DTX1: variants seen among roughly 807,000 people sequenced by gnomAD.
The protein encoded by DTX1 is E3 ubiquitin-protein ligase DTX1.
A neutral mutation model predicts 57.8 loss-of-function variants in DTX1; 26 were observed. The observed-to-expected ratio is 0.45, with a 90% confidence interval of 0.33 to 0.62. The LOEUF (loss-of-function observed/expected upper bound fraction) is 0.62. DTX1 is among the 20% of genes least tolerant of loss of function. The probability of loss-of-function intolerance (pLI) is 0.02; values close to 1 mark genes in which losing one functional copy is unlikely to be tolerated. For synonymous variants in DTX1, 398 were observed against 394.1 expected (o/e 1.01, Z -0.12); for missense variants, 704 against 895.3 (o/e 0.79, Z 2.73).
Position 113,057,954 on chromosome 12 carries a change from C to T in DTX1, c.-239C>T, listed in dbSNP as rs570119134. The T allele has an allele frequency of 1.6e-6, 1 of 617,096 alleles. No individual in the cohort carries two copies. The allele number at this position is 617,096 out of a possible 1,614,324, so 38.2% of individuals were successfully genotyped here. On this transcript the variant is annotated 5_prime_UTR_variant, in exon 2 of 10. Coordinates refer to ENST00000548759, the MANE Select transcript of DTX1 (RefSeq NM_004416.3). ...CGGCATAAGAGAGACACTTGCTTTC[C>T]AGGGCAGCACCCTTTATCGGAGAAG... is the stretch of plus-strand genomic sequence containing the variant.
intron 3 of DTX1, among the ~76,000 whole-genome samples, chr12:113,084,188 G>A (rs1301211012): frequency 6.6e-6 from 1 of 152,196 alleles, no homozygotes; most frequent in African/African-American, 2.4e-5. Flanking sequence ...TGGCAGCCTG[G>A]GCCTGGGGGA....
chr12:113,089,153 G>A (rs1262911579), intron 3 of DTX1, among the ~76,000 whole-genome samples: 1 of 152,200 alleles, frequency 6.6e-6, no homozygotes, highest in African/African-American at 2.4e-5. Flanking sequence ...CAAGTGCAAA[G>A]GCCCTGGGGT....
At chr12:113,085,771 AACAG>A (rs1475005688) in intron 3 of DTX1, among the ~76,000 whole-genome samples, 1 of 152,236 alleles carries the variant, frequency 6.6e-6, no homozygotes. Flanking sequence ...CAGTGAACTA[AACAG>A]ACAGTCCTTG....
chr12:113,094,260 A>C (rs1032218190), intron 6 of DTX1, among the ~76,000 whole-genome samples, 161 bp downstream of exon 6: 1 of 151,920 alleles, frequency 6.6e-6, no homozygotes, highest in Non-Finnish European at 1.5e-5. Context: ...CGTTTAATAG[A>C]CTCACATTTA....
chr12:113,080,589 A>AGAATG (rs111327121), intron 3 of DTX1, among the ~76,000 whole-genome samples: 15,860 of 151,204 alleles, frequency 0.1, 1,289 homozygotes, highest in African/African-American at 0.23. Flanking sequence ...TTCTTGGAAC[A>AGAATG]GAATGGAATG....
At position 113,082,519 on chromosome 12, in the gene DTX1, A is replaced by G. The variant is rs144872157; in HGVS notation, c.941+4414A>G. On this transcript the variant is annotated intron_variant, in intron 3 of 9. Coordinates refer to ENST00000548759, the MANE Select transcript of DTX1 (RefSeq NM_004416.3). ...GGGGGGTCTTTGAGGAGCCAGGCAG[A>G]CAGGTCTACCCACTGTCACTCTCGT... Among the ~76,000 whole-genome samples, 368 of 152,294 alleles carry G rather than the reference A, an allele frequency of 2.4e-3. 2 individuals are homozygous for G. Among genetic ancestry groups the G allele is most frequent in the African/African-American group, 8.2e-3 (342 of 41,568 alleles).
At position 113,077,433 on chromosome 12, in the gene DTX1, G is replaced by A; in HGVS notation, c.269G>A (p.Arg90Gln). 1 of 1,606,386 alleles carries A rather than the reference G, an allele frequency of 6.2e-7. No homozygotes were observed. The highest frequency in any genetic ancestry group is 8.5e-7 in the Non-Finnish European group (1 of 1,178,578). The change falls in exon 3 of 10, where the codon CGG becomes CAG. Residue 90 changes from arginine (R) to glutamine (Q), a missense_variant. This residue lies in a region of DTX1 where 237 missense variants were observed against 328.6 expected (regional missense o/e 0.72). Transcript: ENST00000548759. The surrounding 1 kb of genome is among the most constrained non-coding windows in gnomAD (Gnocchi z 7.8). ...HQFRQDTGTM[R>Q]PVRRNFYDPS... The stretch of plus-strand genomic sequence containing the variant: ...CCCATTTCGAGTACAGGCACCATGC[G>A]GCCCGTGCGGCGCAACTTCTACGAC...
intron 2 of DTX1, among the ~76,000 whole-genome samples, chr12:113,059,201 C>T (rs182456277): frequency 2.0e-4 from 30 of 151,488 alleles, no homozygotes; most frequent in Non-Finnish European, 4.0e-4. Flanking sequence ...ATGATGGTGA[C>T]GTGGCAGTGT....
chr12:113,071,126 T>C (rs1488764637), intron 2 of DTX1, among the ~76,000 whole-genome samples: 1 of 152,230 alleles, frequency 6.6e-6, no homozygotes, highest in African/African-American at 2.4e-5. Flanking sequence ...CAGTTTCCCA[T>C]GTTGGCCTTG....
Position 113,096,919 on chromosome 12 carries a change from G to C in DTX1, c.1843G>C (p.Glu615Gln), listed in dbSNP as rs762618389. ...TGAGCTCACAGCCCAGGGCGTATCC[G>C]AGGCTGCAGCCAAGGCTTGAGGCCC... ...LAELTAQGVS[E>Q]AAAKA Residue 615 changes from glutamate (E) to glutamine (Q), a missense_variant, in exon 10 of 10, where the codon GAG (glutamate) becomes CAG (glutamine). Glu to Gln is a conservative substitution (Grantham distance 29). Around this residue, in one of 3 missense-constraint regions of DTX1, gnomAD observed 168 missense variants for 255.6 expected, o/e 0.66. Coordinates refer to ENST00000548759, the MANE Select transcript of DTX1 (RefSeq NM_004416.3). 1.2e-6 allele frequency: 2 copies of C among 1,611,594 alleles called. No individual in the cohort carries two copies. The highest frequency in any genetic ancestry group is 1.7e-6 in the Non-Finnish European group (2 of 1,179,898).
chr12:113,057,291 C>A (rs1481753717), intron 1 of DTX1, among the ~76,000 whole-genome samples, 158 bp from the exon 2 acceptor site: 1 of 152,280 alleles, frequency 6.6e-6, no homozygotes, highest in East Asian at 1.9e-4. Flanking sequence ...TCCCTCCAGG[C>A]CTGCCCCAAG....
chr12:113,075,034 A>G (rs890309753), intron 2 of DTX1, among the ~76,000 whole-genome samples: 2 of 152,186 alleles, frequency 1.3e-5, no homozygotes, highest in South Asian at 2.1e-4. Context: ...AGGGGAGAAG[A>G]CGGGGCCAAA....
rs1386841772 is a variant in DTX1 at position 113,093,304 on chromosome 12, C to T, written c.1003+81C>T. ...GCCTGTCACCCGGTGACCCCGCCCC[C>T]GAGATGGGCTGGTGAGCGTGGCCCG... is the stretch of plus-strand genomic sequence containing the variant. On this transcript the variant is annotated intron_variant, in intron 4 of 9. Coordinates refer to ENST00000548759, the MANE Select transcript of DTX1 (RefSeq NM_004416.3). This position sits in a 1 kb window ranked among gnomAD's most constrained non-coding sequence, Gnocchi z 4.2. 8.1e-6 allele frequency: 12 copies of T among 1,484,098 alleles called. No homozygotes were observed. Among genetic ancestry groups the T allele is most frequent in the Non-Finnish European group, 1.1e-5 (12 of 1,093,466 alleles). 91.9% of individuals were successfully genotyped at this position (1,484,098 alleles called of 1,614,324 possible). A position where few individuals can be genotyped will look rare whatever the true frequency, so the allele number is the denominator to read the frequency against.
chr12:113,077,886 C>A lies in DTX1; in HGVS notation c.722C>A (p.Pro241His). 15 of 1,279,882 alleles carry A rather than the reference C, an allele frequency of 1.2e-5. No individual in the cohort carries two copies. Among genetic ancestry groups the A allele is most frequent in the Non-Finnish European group, 1.5e-5 (15 of 1,021,708 alleles). 79.3% of individuals were successfully genotyped at this position (1,279,882 alleles called of 1,614,324 possible). A position where few individuals can be genotyped will look rare whatever the true frequency, so the allele number is the denominator to read the frequency against. Residue 241 changes from proline to histidine, a missense_variant, in exon 3 of 10, where the codon CCT (proline) becomes CAT (histidine). Coordinates refer to ENST00000548759, the MANE Select transcript of DTX1 (RefSeq NM_004416.3). This position sits in a 1 kb window ranked among gnomAD's most constrained non-coding sequence, Gnocchi z 7.8. Reference sequence around the variant, plus strand: ...CCGCCGCCGCCGCCACCTGGAGGGCCTCCAGGCGCGCTTGCCGTGCGCCCC... The same window carrying A: ...CCGCCGCCGCCGCCACCTGGAGGGCATCCAGGCGCGCTTGCCGTGCGCCCC... Reference protein sequence around the residue: ...PLPPPPPPGGPPGALAVRPSA... With the variant: ...PLPPPPPPGGHPGALAVRPSA...
intron 2 of DTX1, among the ~76,000 whole-genome samples, chr12:113,065,214 T>A (rs894331360): frequency 2.0e-5 from 3 of 152,126 alleles, no homozygotes; most frequent in Admixed American, 6.5e-5. Flanking sequence ...AGGGGCAGCC[T>A]CAGGCACTTC....
At chr12:113,095,732 C>T (rs867278780) in intron 9 of DTX1, 3 of 382,388 alleles carry the variant, frequency 7.8e-6, no homozygotes, top group Middle Eastern at 7.4e-4. Context: ...GCTGTCACCA[C>T]CACCCTACAG....
chr12:113,075,337 C>G (rs1038709741), intron 2 of DTX1, among the ~76,000 whole-genome samples: 1 of 152,344 alleles, frequency 6.6e-6, no homozygotes, highest in East Asian at 1.9e-4. Context: ...ACTCCTCCCC[C>G]AAATACTGTG....
rs1950327859 is a variant in DTX1, at chr12:113,097,749, T to G, written c.*810T>G. 6.6e-6 allele frequency: 1 copy of G among 152,544 alleles called. No individual in the cohort carries two copies. Among genetic ancestry groups the G allele is most frequent in the African/African-American group, 2.4e-5 (1 of 41,464 alleles). The allele number at this position is 152,544 out of a possible 1,614,324, so 9.4% of individuals were successfully genotyped here. A position where few individuals can be genotyped will look rare whatever the true frequency, so the allele number is the denominator to read the frequency against. ...AGAGCCAAAGGCTGGCGCTTCTGAC[T>G]TCAGGAGCGAAAGGAGGAGGCCTAG... On this transcript the variant is annotated 3_prime_UTR_variant, in exon 10 of 10. Transcript: ENST00000548759.
chr12:113,077,209 C>T lies in DTX1; in HGVS notation c.260-215C>T, dbSNP rs1020982761. Among the ~76,000 whole-genome samples the T allele has an allele frequency of 1.3e-5, 2 of 152,188 alleles. No individual in the cohort carries two copies. The highest frequency in any genetic ancestry group is 4.8e-5 in the African/African-American group (2 of 41,454). ...CCCCTCACCCTGGCTGCCGCCTGTC[C>T]TGACCCTCCAGCCTGTGCTGAACCT... On this transcript the variant is annotated intron_variant, in intron 2 of 9. Coordinates refer to ENST00000548759, the MANE Select transcript of DTX1 (RefSeq NM_004416.3). The surrounding 1 kb of genome is among the most constrained non-coding windows in gnomAD (Gnocchi z 7.8).
Sources: allele counts gnomAD v4.1 joint callset (sites outside exome capture counted in the v4.1 genomes callset), GRCh38; gene constraint gnomAD v4.1.1; regional missense constraint gnomAD v4.1.1; non-coding constraint Gnocchi (gnomAD v3.1); transcripts MANE v1.5; gene names NCBI Gene and HGNC (gene_info 2026-07-23, HGNC 2026-07-21).